Variants in GALNT14 observed in about 807,000 individuals in gnomAD.
GALNT14 encodes the protein polypeptide N-acetylgalactosaminyltransferase 14.
Under a neutral mutation model 77.5 loss-of-function variants are expected in GALNT14, and 60 were observed. That is an observed-to-expected ratio of 0.77 (90% CI 0.63 to 0.96). The LOEUF is 0.96. GALNT14 is among the 40% of genes least tolerant of loss of function. The probability of loss-of-function intolerance (pLI) is 0.00; values close to 1 mark genes in which losing one functional copy is unlikely to be tolerated. For synonymous variants in GALNT14, 280 were observed against 281.7 expected, an observed-to-expected ratio of 0.99 and a Z score of 0.06; for missense variants, 710 against 731.0, an observed-to-expected ratio of 0.97 and a Z score of 0.33.
chr2:31,077,993 C>T lies in GALNT14; in HGVS notation c.129+59965G>A, dbSNP rs535170803. On this transcript the variant is annotated intron_variant, in intron 1 of 14. Coordinates refer to ENST00000349752, the MANE Select transcript of GALNT14 (RefSeq NM_024572.4). The stretch of plus-strand genomic sequence containing the variant: ...ATGACAGAGTGAGACCAGGCCAGGC[C>T]AAGAGGCTAGAGCAAGTCGGAAGAA... Among the ~76,000 whole-genome samples, 3 of 152,244 alleles carry T rather than the reference C, an allele frequency of 2.0e-5. No homozygotes were observed. In the South Asian group the frequency reaches 6.2e-4, roughly 32 times the overall value.
At chr2:30,983,551 C>T (rs1472776614) in intron 2 of GALNT14, among the ~76,000 whole-genome samples, 3 of 152,120 alleles carry the variant, frequency 2.0e-5, no homozygotes, top group African/African-American at 7.2e-5. Flanking sequence ...GAACAAAGAC[C>T]ACTTGGTACC....
At chr2:30,982,857 C>G (rs565339504) in intron 2 of GALNT14, among the ~76,000 whole-genome samples, 1 of 152,078 alleles carries the variant, frequency 6.6e-6, no homozygotes, top group African/African-American at 2.4e-5. Context: ...TCTGGTGTTG[C>G]GGCAGATTTT....
intron 2 of GALNT14, among the ~76,000 whole-genome samples, chr2:30,992,385 C>T (rs955104493): frequency 1.2e-4 from 18 of 152,120 alleles, no homozygotes; most frequent in African/African-American, 2.7e-4. Context: ...AAATGTCCAA[C>T]GGCTGGCACT....
At chr2:31,084,396 G>C (rs1676309133) in intron 1 of GALNT14, among the ~76,000 whole-genome samples, 1 of 152,194 alleles carries the variant, frequency 6.6e-6, no homozygotes, top group Non-Finnish European at 1.5e-5. Flanking sequence ...GCTGATTCAA[G>C]GAACAAAGAA....
intron 9 of GALNT14, among the ~76,000 whole-genome samples, chr2:30,937,787 T>TAACATC (rs2148269485): frequency 6.6e-6 from 1 of 152,260 alleles, no homozygotes; most frequent in South Asian, 2.1e-4. Flanking sequence ...CTACCTAAGG[T>TAACATC]AACATCCTGA....
At chr2:31,137,223 C>G (rs1679264547) in intron 1 of GALNT14, among the ~76,000 whole-genome samples, 1 of 152,240 alleles carries the variant, frequency 6.6e-6, no homozygotes, top group Admixed American at 6.5e-5. Flanking sequence ...TCCCTTTCCC[C>G]CTACAGGGCT....
intron 1 of GALNT14, chr2:31,125,121 C>T: frequency 6.8e-7 from 1 of 1,472,544 alleles, no homozygotes; most frequent in Non-Finnish European, 9.3e-7. Flanking sequence ...GCAGCTGGCA[C>T]CTCACACTCC....
intron 1 of GALNT14, among the ~76,000 whole-genome samples, chr2:31,115,556 T>C (rs1678064183): frequency 1.3e-5 from 2 of 152,180 alleles, no homozygotes; most frequent in African/African-American, 4.8e-5. Flanking sequence ...AAACAGGTAA[T>C]GGAAGTGACA....
At chr2:30,928,119 G>A (rs1253164961) in intron 11 of GALNT14, among the ~76,000 whole-genome samples, 2 of 152,192 alleles carry the variant, frequency 1.3e-5, no homozygotes, top group Non-Finnish European at 2.9e-5. Context: ...GACTGAAAAT[G>A]AATGCCTTGG....
chr2:30,961,514 C>T lies in GALNT14; in HGVS notation c.399-3050G>A, dbSNP rs58623931. Reference sequence around the variant, plus strand: ...GGAGCTCACCATGCCTGGCACACAGCAGCTGCTCTCTGAATGGTGGTATTG... The same window carrying T: ...GGAGCTCACCATGCCTGGCACACAGTAGCTGCTCTCTGAATGGTGGTATTG... On this transcript the variant is annotated intron_variant, in intron 3 of 14. Transcript: ENST00000349752. Among the ~76,000 whole-genome samples the T allele has an allele frequency of 7.2e-3, 1,098 of 152,282 alleles. 15 individuals carry two copies. Among genetic ancestry groups the T allele is most frequent in the African/African-American group, 0.024 (1,016 of 41,542 alleles).
chr2:30,953,870 C>T (rs551240241), intron 6 of GALNT14, among the ~76,000 whole-genome samples: 1 of 152,196 alleles, frequency 6.6e-6, no homozygotes, highest in Non-Finnish European at 1.5e-5. Context: ...CCAACCATAA[C>T]ACCTCCCCAT....
intron 1 of GALNT14, among the ~76,000 whole-genome samples, chr2:31,042,731 T>A (rs1673177292): frequency 6.6e-6 from 1 of 152,194 alleles, no homozygotes; most frequent in Admixed American, 6.5e-5. Context: ...ATATCCAGTA[T>A]CTGACTCTTC....
At chr2:30,958,577 C>A in intron 3 of GALNT14, 113 bp from the exon 4 acceptor site, 1 of 787,048 alleles carries the variant, frequency 1.3e-6, no homozygotes, top group Non-Finnish European at 2.1e-6. Context: ...ATCAGAGCAC[C>A]AACGGGCTTG....
intron 1 of GALNT14, among the ~76,000 whole-genome samples, chr2:31,037,407 T>G (rs1377363984): frequency 6.6e-6 from 1 of 152,230 alleles, no homozygotes; most frequent in African/African-American, 2.4e-5. Context: ...CTTTTGGTTT[T>G]CTAGACACTA....
intron 1 of GALNT14, among the ~76,000 whole-genome samples, chr2:31,014,145 G>T (rs1203039486): frequency 6.6e-6 from 1 of 152,128 alleles, no homozygotes; most frequent in African/African-American, 2.4e-5. Flanking sequence ...TATTTCACAG[G>T]GTTTTAAGAA....
chr2:31,017,166 G>T (rs186227213), intron 1 of GALNT14, among the ~76,000 whole-genome samples: 98 of 152,318 alleles, frequency 6.4e-4, no homozygotes, highest in Admixed American at 1.2e-3. Context: ...TTTCAGAAAG[G>T]TTCCTAAGAC....
chr2:31,118,721 T>C (rs1678238632), intron 1 of GALNT14, among the ~76,000 whole-genome samples: 1 of 152,102 alleles, frequency 6.6e-6, no homozygotes, highest in Non-Finnish European at 1.5e-5. Flanking sequence ...GACAATAAAA[T>C]AGTCAAGATA....
At chr2:30,951,261 T>G (rs796743582) in intron 6 of GALNT14, among the ~76,000 whole-genome samples, 88 of 152,320 alleles carry the variant, frequency 5.8e-4, no homozygotes, top group Admixed American at 1.6e-3. Flanking sequence ...GCATTCATAC[T>G]TGAAACAGTA....
chr2:30,951,050 G>A (rs1666996806), intron 6 of GALNT14, among the ~76,000 whole-genome samples: 1 of 152,198 alleles, frequency 6.6e-6, no homozygotes, highest in East Asian at 1.9e-4. Context: ...TGAGCCAGCA[G>A]CAATTCACAT....
Sources: gnomAD v4.1 joint callset for allele counts (sites outside exome capture counted in the v4.1 genomes callset) on GRCh38, gnomAD v4.1.1 for gene constraint, MANE v1.5 for transcripts, NCBI Gene and HGNC (gene_info 2026-07-23, HGNC 2026-07-21) for gene names.